Variants in PIGK observed in about 807,000 individuals in gnomAD.
The protein encoded by PIGK is phosphatidylinositol glycan anchor biosynthesis class K, also known as GPI-anchor transamidase.
A neutral mutation model predicts 50.6 loss-of-function variants in PIGK; 42 were observed. The observed-to-expected ratio is 0.83, with a 90% confidence interval of 0.65 to 1.07. The LOEUF (loss-of-function observed/expected upper bound fraction) is 1.07. Among genes scored for constraint, PIGK ranks in the 50% least tolerant of loss-of-function variants. The pLI is 0.00. For synonymous variants in PIGK, 151 were observed against 156.0 expected (o/e 0.97, Z 0.24); for missense variants, 448 against 488.7 (o/e 0.92, Z 0.78).
rs1253084757 is a variant in PIGK at position 77,154,562 on chromosome 1, A to G, written c.873T>C (p.Phe291=). ...TCAGTACATTTTTAGGATCCCTCTG[A>G]AAAAGATCAGTGCGATGTCCAGGAG... is the stretch of plus-strand genomic sequence containing the variant. ...VSTPGHRTDL[F]QRDPKNVLIT... is the part of the protein sequence containing the mutation. Residue 291 remains phenylalanine (F), a synonymous_variant, in exon 9 of 11, where the codon TTT becomes TTC. Coordinates refer to ENST00000370812, the MANE Select transcript of PIGK (RefSeq NM_005482.3). 1 of 1,613,020 alleles carries G rather than the reference A, an allele frequency of 6.2e-7. No homozygotes were observed. Among genetic ancestry groups the G allele is most frequent in the East Asian group, 2.2e-5 (1 of 44,870 alleles).
At chr1:77,105,379 G>A (rs1302615010) in intron 10 of PIGK, among the ~76,000 whole-genome samples, 1 of 151,896 alleles carries the variant, frequency 6.6e-6, no homozygotes, top group East Asian at 1.9e-4. Context: ...GGCAAACTTT[G>A]GGCCATGGGT....
rs188913004 is a variant in PIGK, at chr1:77,112,206, A to T, written c.1071+10069T>A. On this transcript the variant is annotated intron_variant, in intron 10 of 10. Transcript: ENST00000370812. ...ATAAAATGTGACTTTTCTGACATGCATATACCAGTTTTAAAGAGAATGATA... is the reference window on the plus strand; with the variant it reads ...ATAAAATGTGACTTTTCTGACATGCTTATACCAGTTTTAAAGAGAATGATA... Among the ~76,000 whole-genome samples, 8 of 130,664 alleles carry T rather than the reference A, an allele frequency of 6.1e-5. No homozygotes were observed. The Admixed American group carries it at 6.5e-4, about 11-fold the overall frequency. 85.7% of individuals were successfully genotyped at this position (130,664 alleles called of 152,430 possible). A position where few individuals can be genotyped will look rare whatever the true frequency, so the allele number is the denominator to read the frequency against.
At chr1:77,148,775 C>T (rs562607456) in intron 9 of PIGK, among the ~76,000 whole-genome samples, 3 of 150,846 alleles carry the variant, frequency 2.0e-5, no homozygotes, top group South Asian at 4.2e-4. Flanking sequence ...AGTGCAGTGG[C>T]GCGATCTCGG....
At chr1:77,104,106 C>A (rs566096735) in intron 10 of PIGK, among the ~76,000 whole-genome samples, 1 of 148,992 alleles carries the variant, frequency 6.7e-6, no homozygotes, top group East Asian at 1.9e-4. Flanking sequence ...TACCCTCAAA[C>A]AAAATTCATC....
chr1:77,116,784 C>T (rs116238358), intron 10 of PIGK, among the ~76,000 whole-genome samples: 3 of 152,076 alleles, frequency 2.0e-5, no homozygotes, highest in African/African-American at 4.8e-5. Context: ...ATAGTACAGT[C>T]GAGTAATCAT....
At chr1:77,174,417 G>C (rs1323513741) in intron 3 of PIGK, among the ~76,000 whole-genome samples, 1 of 152,184 alleles carries the variant, frequency 6.6e-6, no homozygotes, top group Admixed American at 6.5e-5. Flanking sequence ...GGAATTAAAA[G>C]TGGATAGATC....
chr1:77,129,370 A>C (rs780861320), intron 9 of PIGK: 3 of 1,574,950 alleles, frequency 1.9e-6, no homozygotes, highest in Non-Finnish European at 2.6e-6. Flanking sequence ...TGGCCCAAAA[A>C]GAGTGCTGAA....
intron 3 of PIGK, among the ~76,000 whole-genome samples, chr1:77,172,015 C>T (rs1557813395): frequency 2.0e-5 from 3 of 151,502 alleles, no homozygotes; most frequent in South Asian, 2.1e-4. Flanking sequence ...TTTCCAAAAA[C>T]TAAATGCCTG....
intron 10 of PIGK, among the ~76,000 whole-genome samples, chr1:77,109,788 G>A (rs1302101016): frequency 6.6e-6 from 1 of 152,092 alleles, no homozygotes; most frequent in East Asian, 1.9e-4. Context: ...AGGAAATAAA[G>A]GGTATTCAAT....
rs114222163 is a variant in PIGK, at chr1:77,151,975, C to T, written c.986+2474G>A. Among the ~76,000 whole-genome samples, 573 of 152,184 alleles carry T rather than the reference C, an allele frequency of 3.8e-3. 5 individuals carry two copies. Among genetic ancestry groups the T allele is most frequent in the African/African-American group, 0.013 (543 of 41,542 alleles). ...ATAATCTCTATCAAAATTCCAATGG[C>T]ACTTTTCATATAAATAGAAAAATCA... On this transcript the variant is annotated intron_variant, in intron 9 of 10. Transcript: ENST00000370812.
At position 77,219,327 on chromosome 1, in the gene PIGK, C is replaced by T; in HGVS notation, c.76G>A (p.Ala26Thr). 2 of 1,613,644 alleles carry T rather than the reference C, an allele frequency of 1.2e-6. No homozygotes were observed. Among genetic ancestry groups the T allele is most frequent in the East Asian group, 2.2e-5 (1 of 44,848 alleles). Residue 26 changes from alanine (A) to threonine (T), a missense_variant, in exon 1 of 11, where the codon GCC (alanine) becomes ACC (threonine). Coordinates refer to ENST00000370812, the MANE Select transcript of PIGK (RefSeq NM_005482.3). Reference sequence around the variant, plus strand: ...ACTCCTACCTCGATATGACTAGCGGCCACGCTGCCGAAGGACAAGAGCAAC... The same window carrying T: ...ACTCCTACCTCGATATGACTAGCGGTCACGCTGCCGAAGGACAAGAGCAAC... ...TVLLLSFGSV[A>T]ASHIEDQAEQ...
intron 10 of PIGK, among the ~76,000 whole-genome samples, chr1:77,095,048 C>T (rs1188137139): frequency 1.3e-5 from 2 of 152,182 alleles, no homozygotes; most frequent in East Asian, 3.8e-4. Context: ...CCTTTCAAAA[C>T]TGCTCTTTGC....
At chr1:77,196,367 A>G (rs1355800166) in intron 3 of PIGK, among the ~76,000 whole-genome samples, 1 of 152,186 alleles carries the variant, frequency 6.6e-6, no homozygotes, top group African/African-American at 2.4e-5. Context: ...GGTGGGTCAA[A>G]TGGTAGTTTA....
intron 9 of PIGK, among the ~76,000 whole-genome samples, chr1:77,140,551 T>C (rs973704355): frequency 6.6e-6 from 1 of 152,016 alleles, no homozygotes; most frequent in African/African-American, 2.4e-5. Context: ...AACAACCTAA[T>C]ACAACATCTA....
chr1:77,133,178 A>G (rs4949770), intron 9 of PIGK, among the ~76,000 whole-genome samples: 147,986 of 152,244 alleles, frequency 0.97, 71,948 homozygotes, highest in East Asian at 1. Flanking sequence ...TGTCTAACAT[A>G]TCTCGTACTG....
chr1:77,199,499 T>C (rs1656113171), intron 3 of PIGK, among the ~76,000 whole-genome samples: 1 of 151,972 alleles, frequency 6.6e-6, no homozygotes, highest in African/African-American at 2.4e-5. Context: ...CAAAACTTAT[T>C]GCAGGATGGA....
intron 9 of PIGK, among the ~76,000 whole-genome samples, chr1:77,143,124 T>C (rs922854898): frequency 2.0e-4 from 31 of 152,328 alleles, no homozygotes; most frequent in African/African-American, 6.5e-4. Flanking sequence ...AAAGTGTTAT[T>C]GTATAAATCA....
intron 10 of PIGK, among the ~76,000 whole-genome samples, chr1:77,102,008 CA>C (rs1399297784): frequency 1.3e-5 from 2 of 151,628 alleles, no homozygotes; most frequent in Non-Finnish European, 2.9e-5. Flanking sequence ...ATCTCACACA[CA>C]AAAAAAATTC....
chr1:77,115,862 G>A (rs1653949104), intron 10 of PIGK, among the ~76,000 whole-genome samples: 1 of 152,036 alleles, frequency 6.6e-6, no homozygotes. Context: ...AGTGTGCAGA[G>A]GGGCATTAAA....
Sources: allele counts gnomAD v4.1 joint callset (sites outside exome capture counted in the v4.1 genomes callset), GRCh38; gene constraint gnomAD v4.1.1; transcripts MANE v1.5; gene names NCBI Gene and HGNC (gene_info 2026-07-23, HGNC 2026-07-21).